IGF2BP2: variants seen among roughly 807,000 people sequenced by gnomAD.
IGF2BP2 encodes insulin-like growth factor 2 mRNA-binding protein 2.
In IGF2BP2, 17 loss-of-function variants were observed where a neutral mutation model predicts 75.8. The observed-to-expected ratio is 0.22, with a 90% confidence interval of 0.15 to 0.34. The LOEUF (loss-of-function observed/expected upper bound fraction) is 0.34. Among genes scored for constraint, IGF2BP2 ranks in the 10% least tolerant of loss-of-function variants. The probability of loss-of-function intolerance (pLI) is 1.00; values close to 1 mark genes in which losing one functional copy is unlikely to be tolerated. For synonymous variants in IGF2BP2, 288 were observed against 295.6 expected (o/e 0.97, Z 0.26); for missense variants, 516 against 772.4 (o/e 0.67, Z 3.93).
intron 2 of IGF2BP2, among the ~76,000 whole-genome samples, chr3:185,700,118 G>C (rs1037718447): frequency 6.6e-6 from 1 of 151,958 alleles, no homozygotes; most frequent in Non-Finnish European, 1.5e-5. Context: ...CTAAACAGTG[G>C]CTATACACAG....
chr3:185,669,403 T>A (rs1410082345), intron 10 of IGF2BP2, among the ~76,000 whole-genome samples: 2 of 152,022 alleles, frequency 1.3e-5, no homozygotes, highest in Non-Finnish European at 1.5e-5. Flanking sequence ...ACTGGTTATA[T>A]CTAGGTTAAG....
At chr3:185,797,683 C>T (rs559973497) in intron 2 of IGF2BP2, among the ~76,000 whole-genome samples, 49 of 152,166 alleles carry the variant, frequency 3.2e-4, no homozygotes, top group Middle Eastern at 3.4e-3. Context: ...GCAGGCGGAT[C>T]AGCTGGGCCC....
At chr3:185,707,582 C>T (rs188232732) in intron 2 of IGF2BP2, among the ~76,000 whole-genome samples, 9 of 152,066 alleles carry the variant, frequency 5.9e-5, no homozygotes, top group Admixed American at 1.3e-4. Flanking sequence ...GCTGGGATTA[C>T]AGGCGTGAGC....
chr3:185,824,578 G>A, intron 1 of IGF2BP2, among the ~76,000 whole-genome samples: 3 of 149,802 alleles, frequency 2.0e-5, no homozygotes, highest in Non-Finnish European at 4.5e-5. Flanking sequence ...CGAGGGCGAG[G>A]GCAGAGTCCA....
rs139682125 is a variant in IGF2BP2, at chr3:185,649,403, G to A, written c.1593C>T (p.Thr531=). 8.4e-5 allele frequency: 135 copies of A among 1,612,990 alleles called. No individual in the cohort carries two copies. In the African/African-American group the frequency reaches 1.5e-3, roughly 18 times the overall value. ...AGRVIGKGGK[T]VNELQNLTSA... ...TGAAGCGAGCCCGGAGCACACTTAC[G>A]GTCTTGCCACCTTTGCCAATCACCC... Residue 531 remains threonine (T), a splice_region_variant and synonymous_variant, in exon 14 of 16, where the codon ACC becomes ACT. Transcript: ENST00000382199.
chr3:185,824,050 G>C (rs1741713343), intron 1 of IGF2BP2, among the ~76,000 whole-genome samples: 1 of 152,024 alleles, frequency 6.6e-6, no homozygotes, highest in African/African-American at 2.4e-5. Flanking sequence ...CCAGCCCCGA[G>C]TTCTTCTCAA....
chr3:185,806,099 C>T (rs1264601150), intron 2 of IGF2BP2, among the ~76,000 whole-genome samples: 2 of 152,028 alleles, frequency 1.3e-5, no homozygotes, highest in African/African-American at 2.4e-5. Context: ...CCACTGTGCC[C>T]GGCCAAATGT....
At chr3:185,751,261 C>T (rs1258676653) in intron 2 of IGF2BP2, among the ~76,000 whole-genome samples, 1 of 152,020 alleles carries the variant, frequency 6.6e-6, no homozygotes, top group Non-Finnish European at 1.5e-5. Flanking sequence ...GATTCTATCA[C>T]CCAATGATAA....
intron 2 of IGF2BP2, among the ~76,000 whole-genome samples, chr3:185,799,513 C>T (rs1737893705): frequency 6.6e-6 from 1 of 152,148 alleles, no homozygotes; most frequent in Admixed American, 6.5e-5. Flanking sequence ...CTTTGGGAGG[C>T]CGAGGCGGGC....
At chr3:185,748,009 C>T (rs1730483530) in intron 2 of IGF2BP2, among the ~76,000 whole-genome samples, 1 of 152,090 alleles carries the variant, frequency 6.6e-6, no homozygotes, top group South Asian at 2.1e-4. Flanking sequence ...GCGCCTGCCA[C>T]CATGCCCAGC....
chr3:185,658,397 A>G lies in IGF2BP2; in HGVS notation c.1213T>C (p.Tyr405His). The G allele has an allele frequency of 6.2e-7, 1 of 1,613,930 alleles. No individual in the cohort carries two copies. Among genetic ancestry groups the G allele is most frequent in the South Asian group, 1.1e-5 (1 of 91,050 alleles). Residue 405 changes from tyrosine to histidine, a missense_variant, in exon 11 of 16, where the codon TAC becomes CAC. Around this residue, in one of 3 missense-constraint regions of IGF2BP2, gnomAD observed 75 missense variants for 67.4 expected, o/e 1.11. Coordinates refer to ENST00000382199, the MANE Select transcript of IGF2BP2 (RefSeq NM_006548.6). The part of the protein sequence containing the change: ...PYHPFTTHSG[Y>H]FSSLYPHHQF... The stretch of plus-strand genomic sequence containing the variant: ...TGATGGGGGTACAGGCTGGAGAAGT[A>G]TCCGGAGTGGGTCTGCAGCATGAGA...
chr3:185,662,732 G>A (rs1716672178), intron 10 of IGF2BP2, among the ~76,000 whole-genome samples: 1 of 151,732 alleles, frequency 6.6e-6, no homozygotes, highest in Non-Finnish European at 1.5e-5. Flanking sequence ...TAGTAGAGAT[G>A]GGGTTTCACC....
intron 2 of IGF2BP2, among the ~76,000 whole-genome samples, chr3:185,790,842 T>C (rs2149859271): frequency 6.6e-6 from 1 of 152,324 alleles, no homozygotes. Flanking sequence ...TATAAGACTT[T>C]ATTTGAAAGG....
rs201118722 is a variant in IGF2BP2 at position 185,643,554 on chromosome 3, CTT to C, written c.*1975_*1976del. Among the ~76,000 whole-genome samples the C allele has an allele frequency of 1.4e-3, 209 of 152,298 alleles. 6 individuals carry two copies. The East Asian group carries it at 0.032, about 23-fold the overall frequency. On this transcript the variant is annotated 3_prime_UTR_variant, in exon 16 of 16. Coordinates refer to ENST00000382199, the MANE Select transcript of IGF2BP2 (RefSeq NM_006548.6). ...TGATGCTGCTGGTCTGGGGACTACA[CTT>C]TGACCACCGATCTAGTTTAGCTTCT...
intron 2 of IGF2BP2, among the ~76,000 whole-genome samples, chr3:185,727,886 G>C (rs1727578523): frequency 6.6e-6 from 1 of 152,176 alleles, no homozygotes; most frequent in South Asian, 2.1e-4. Flanking sequence ...GCTAGTCTAT[G>C]ATGGAGCCAG....
rs571522615 is a variant in IGF2BP2, at chr3:185,823,487, G to T, written c.179-274C>A. Among the ~76,000 whole-genome samples the T allele has an allele frequency of 2.8e-4, 42 of 152,282 alleles. 1 individual carries two copies. The South Asian group carries it at 8.3e-3, about 30-fold the overall frequency. ...GGAAAAACAAATTTAATAAAGAGCG[G>T]CGCCAATTTGAAAGGATGAGCTCAT... On this transcript the variant is annotated intron_variant, in intron 1 of 15. Transcript: ENST00000382199.
chr3:185,821,491 G>A (rs1560525019), intron 2 of IGF2BP2, among the ~76,000 whole-genome samples: 1 of 151,984 alleles, frequency 6.6e-6, no homozygotes, highest in East Asian at 1.9e-4. Flanking sequence ...CATTTTGAAA[G>A]AAAAAAGATA....
chr3:185,795,792 A>G (rs1374375119), intron 2 of IGF2BP2, among the ~76,000 whole-genome samples: 1 of 152,176 alleles, frequency 6.6e-6, no homozygotes, highest in Non-Finnish European at 1.5e-5. Flanking sequence ...AGGCTGAGAC[A>G]GGAGAACTGC....
chr3:185,646,480 C>T (rs1161988852), intron 15 of IGF2BP2, among the ~76,000 whole-genome samples: 1 of 152,184 alleles, frequency 6.6e-6, no homozygotes, highest in African/African-American at 2.4e-5. Context: ...ACAAAAGCAT[C>T]AAAGAGAAAG....
Sources: gnomAD v4.1 joint callset for allele counts (sites outside exome capture counted in the v4.1 genomes callset) on GRCh38, gnomAD v4.1.1 for gene constraint, gnomAD v4.1.1 regional missense constraint, MANE v1.5 for transcripts, NCBI Gene and HGNC (gene_info 2026-07-23, HGNC 2026-07-21) for gene names.